The following GMIP variants were observed in gnomAD, a reference collection of about 807,000 sequenced individuals.
GMIP encodes the protein GEM interacting protein.
GMIP carries 54 observed loss-of-function variants against 105.3 expected under a neutral mutation model. The ratio of observed to expected loss-of-function variants is 0.51; its 90% CI spans 0.41 to 0.64. The LOEUF is 0.64. Ranked by LOEUF, GMIP falls within the 30% of genes least tolerant of loss-of-function variation. The probability of loss-of-function intolerance (pLI) is 0.00; values close to 1 mark genes in which losing one functional copy is unlikely to be tolerated. For synonymous variants in GMIP, 541 were observed against 560.8 expected (o/e 0.96, Z 0.50); for missense variants, 1,110 against 1,319.4 (o/e 0.84, Z 2.46).
rs547366157 is a variant in GMIP at position 19,642,018 on chromosome 19, G to A, written c.138C>T (p.Leu46=). 11 of 1,613,764 alleles carry A rather than the reference G, an allele frequency of 6.8e-6. 1 individual carries two copies. In the South Asian group the frequency reaches 1.2e-4, roughly 18 times the overall value. Residue 46 remains leucine, a synonymous_variant, in exon 3 of 21, where the codon CTC becomes CTT. Transcript: ENST00000203556. ...TCTTGTCAGGTTCTGGGTCTTCTGA[G>A]AGTAGAGGGTCTCCAGCCAGCATCT... is the stretch of plus-strand genomic sequence containing the variant. ...TLEMLAGDPL[L]SEDPEPDKTP...
Position 19,637,698 on chromosome 19 carries a change from A to G in GMIP, c.928-137T>C. On this transcript the variant is annotated intron_variant, in intron 10 of 20. Transcript: ENST00000203556. This position sits in a 1 kb window ranked among gnomAD's most constrained non-coding sequence, Gnocchi z 6.7. ...ACCTGGGCGGCTTAGGAACTAGGGC[A>G]GTCGGCCAGGGGACCCAGGCATGGT... 2 of 847,640 alleles carry G rather than the reference A, an allele frequency of 2.4e-6. No homozygotes were observed. The highest frequency in any genetic ancestry group is 3.5e-6 in the Non-Finnish European group (2 of 569,710). The allele number at this position is 847,640 out of a possible 1,614,324, so 52.5% of individuals were successfully genotyped here. A position where few individuals can be genotyped will look rare whatever the true frequency, so the allele number is the denominator to read the frequency against.
intron 1 of GMIP, 25 bp downstream of exon 1, chr19:19,643,486 C>T (rs951400557): frequency 2.6e-6 from 4 of 1,540,772 alleles, no homozygotes; most frequent in Non-Finnish European, 3.5e-6. Flanking sequence ...CGGGGGAGGC[C>T]CCTCCCGGAT....
At position 19,637,340 on chromosome 19, in the gene GMIP, C is replaced by A. The variant is rs2061865473; in HGVS notation, c.1124+25G>T. 2 of 1,449,182 alleles carry A rather than the reference C, an allele frequency of 1.4e-6. No homozygotes were observed. Among genetic ancestry groups the A allele is most frequent in the East Asian group, 2.5e-5 (1 of 40,356 alleles). The allele number at this position is 1,449,182 out of a possible 1,614,324, so 89.8% of individuals were successfully genotyped here. On this transcript the variant is annotated intron_variant, in intron 11 of 20. Coordinates refer to ENST00000203556, the MANE Select transcript of GMIP (RefSeq NM_016573.4). The surrounding 1 kb of genome is among the most constrained non-coding windows in gnomAD (Gnocchi z 6.7). Reference sequence around the variant, plus strand: ...GGCATCGCGATTCCGGGGCTCGTTCCCGACTCCCTGCTCCAGTGACCCACC... The same window carrying A: ...GGCATCGCGATTCCGGGGCTCGTTCACGACTCCCTGCTCCAGTGACCCACC...
In GMIP at chr19:19,634,497, C is replaced by T. The variant is rs751732118; in HGVS notation, c.2084+10G>A. 1 of 1,594,018 alleles carries T rather than the reference C, an allele frequency of 6.3e-7. No homozygotes were observed. Among genetic ancestry groups the T allele is most frequent in the Non-Finnish European group, 8.5e-7 (1 of 1,173,618 alleles). ...GGGTCGCGTTTCAAGGCTCAGGGACCCATGCACACCTGAACAGATGGGCCA... is the reference window on the plus strand; with the variant it reads ...GGGTCGCGTTTCAAGGCTCAGGGACTCATGCACACCTGAACAGATGGGCCA... On this transcript the variant is annotated intron_variant, in intron 18 of 20. Transcript: ENST00000203556. This position sits in a 1 kb window ranked among gnomAD's most constrained non-coding sequence, Gnocchi z 6.1.
rs1251005850 is a variant in GMIP, at chr19:19,637,914, C to G, written c.927+6G>C. 6.3e-7 allele frequency: 1 copy of G among 1,592,740 alleles called. No individual in the cohort carries two copies. The highest frequency in any genetic ancestry group is 2.2e-5 in the East Asian group (1 of 44,554). On this transcript the variant is annotated splice_donor_region_variant and intron_variant, in intron 10 of 20. Transcript: ENST00000203556. This position sits in a 1 kb window ranked among gnomAD's most constrained non-coding sequence, Gnocchi z 6.7. ...AGGGGAGGATGGCCTTGGGGATGGG[C>G]CTCACCCGCCTCAGCACTTCATCCC...
rs1448119771 is a variant in GMIP at position 19,637,197 on chromosome 19, C to G, written c.1124+168G>C. On this transcript the variant is annotated intron_variant, in intron 11 of 20. Transcript: ENST00000203556. This position sits in a 1 kb window ranked among gnomAD's most constrained non-coding sequence, Gnocchi z 6.7. ...GTAGCCCCACATTCCTGCCCCTGCC[C>G]CTAGGACTGGGACAACCCATTCACC... 6.6e-6 allele frequency among the ~76,000 whole-genome samples: 1 copy of G among 152,164 alleles called. No homozygotes were observed.
intron 7 of GMIP, among the ~76,000 whole-genome samples, chr19:19,639,643 G>A (rs1171162572): frequency 5.3e-5 from 8 of 151,896 alleles, no homozygotes. Context: ...GAGGTCAGGA[G>A]TTGGAGACCA....
Position 19,634,977 on chromosome 19 carries a change from C to T in GMIP, c.1749+48G>A, listed in dbSNP as rs377203717. The T allele has an allele frequency of 2.1e-4, 336 of 1,613,096 alleles. 1 individual carries two copies. Among genetic ancestry groups the T allele is most frequent in the Admixed American group, 1.4e-3 (82 of 59,992 alleles). On this transcript the variant is annotated intron_variant, in intron 16 of 20. Transcript: ENST00000203556. The surrounding 1 kb of genome is among the most constrained non-coding windows in gnomAD (Gnocchi z 6.1). ...AGACACCTGGTTCGTGATAGGCCATCGATTCGGTCAGGTCACTTCTGGGGA... is the reference window on the plus strand; with the variant it reads ...AGACACCTGGTTCGTGATAGGCCATTGATTCGGTCAGGTCACTTCTGGGGA...
At position 19,640,543 on chromosome 19, in the gene GMIP, C is replaced by G. The variant is rs748627314; in HGVS notation, c.267G>C (p.Arg89=). Residue 89 remains arginine, a synonymous_variant, in exon 5 of 21, where the codon CGG becomes CGC. Transcript: ENST00000203556. ...TGEELDLRLI[R]TKGGVDAALE... ...GGGCTGCGTCCACACCCCCCTTTGT[C>G]CGAATGAGCCGCAAGTCCAGTTCCT... is the stretch of plus-strand genomic sequence containing the variant. 7 of 1,613,900 alleles carry G rather than the reference C, an allele frequency of 4.3e-6. No homozygotes were observed. Among genetic ancestry groups the G allele is most frequent in the Non-Finnish European group, 4.2e-6 (5 of 1,180,006 alleles).
At chr19:19,636,383 C>T (rs1326006957) in intron 13 of GMIP, among the ~76,000 whole-genome samples, 2 of 151,422 alleles carry the variant, frequency 1.3e-5, no homozygotes, top group Non-Finnish European at 2.9e-5. Flanking sequence ...AATCAGCCGG[C>T]GTGGTAGTGC....
intron 19 of GMIP, among the ~76,000 whole-genome samples, chr19:19,633,079 A>G (rs914106636): frequency 4.7e-5 from 7 of 148,742 alleles, no homozygotes; most frequent in African/African-American, 1.5e-4. Context: ...TTTTTTTTGA[A>G]ACAAAGTCTT....
In GMIP at chr19:19,634,911, C is replaced by T. The variant is rs772118969; in HGVS notation, c.1768G>A (p.Gly590Arg). 3.7e-6 allele frequency: 6 copies of T among 1,614,074 alleles called. No homozygotes were observed. The highest frequency in any genetic ancestry group is 1.7e-5 in the Admixed American group (1 of 60,022). Reference sequence around the variant, plus strand: ...AGCCGCTCCACACGGACCCGGGACCCGCTGACCCGGTAAATGCCCTGCAGG... The same window carrying T: ...AGCCGCTCCACACGGACCCGGGACCTGCTGACCCGGTAAATGCCCTGCAGG... ...LDVQGIYRVS[G>R]SRVRVERLCQ... Residue 590 changes from glycine (G) to arginine (R), a missense_variant, in exon 17 of 21, where the codon GGG becomes AGG. By Grantham distance (125) the Gly-to-Arg change is moderately radical. Around this residue, in one of 3 missense-constraint regions of GMIP, gnomAD observed 49 missense variants for 95.6 expected, o/e 0.51. Transcript: ENST00000203556. The surrounding 1 kb of genome is among the most constrained non-coding windows in gnomAD (Gnocchi z 6.1).
Position 19,630,415 on chromosome 19 carries a change from C to A in GMIP, c.2539+56G>T. Reference sequence around the variant, plus strand: ...CCCCCAGGAGTCATCTTTTAGCAAGCCACCCTGGGGCCAGGGCACCCCCAG... The same window carrying A: ...CCCCCAGGAGTCATCTTTTAGCAAGACACCCTGGGGCCAGGGCACCCCCAG... On this transcript the variant is annotated intron_variant, in intron 20 of 20. Transcript: ENST00000203556. The surrounding 1 kb of genome is among the most constrained non-coding windows in gnomAD (Gnocchi z 4.8). 6.3e-7 allele frequency: 1 copy of A among 1,597,966 alleles called. No homozygotes were observed. Among genetic ancestry groups the A allele is most frequent in the South Asian group, 1.1e-5 (1 of 88,950 alleles).
chr19:19,633,745 A>C, intron 19 of GMIP, 58 bp downstream of exon 19: 1 of 1,202,548 alleles, frequency 8.3e-7, no homozygotes, highest in Non-Finnish European at 1.1e-6. Flanking sequence ...AAGAGAAGGT[A>C]AGAGAATTGA....
Position 19,630,191 on chromosome 19 carries a change from G to T in GMIP, c.2685C>A (p.Cys895Ter). Residue 895 changes from cysteine (C) to a stop codon, truncating the protein, a stop_gained, in exon 21 of 21, where the codon TGC (cysteine) becomes TGA (stop). Transcript: ENST00000203556. LOFTEE classifies it low-confidence loss of function (END_TRUNC). The surrounding 1 kb of genome is among the most constrained non-coding windows in gnomAD (Gnocchi z 4.8). ...GCACTGATGTGATGGGGGTCTCCTC[G>T]CACAGCTTGGAAGCCACCAGGGCCA... ...SSLALVASKL[C>*]EETPITSVPR... 3 of 1,601,568 alleles carry T rather than the reference G, an allele frequency of 1.9e-6. No homozygotes were observed. Among genetic ancestry groups the T allele is most frequent in the Non-Finnish European group, 1.7e-6 (2 of 1,171,164 alleles).
chr19:19,641,767 A>G (rs748678477), intron 4 of GMIP, 43 bp downstream of exon 4: 7 of 1,394,690 alleles, frequency 5.0e-6, no homozygotes, highest in Non-Finnish European at 7.1e-6. Context: ...TGAAGGAAAG[A>G]CTCCTGTCTG....
chr19:19,630,854 G>A lies in GMIP; in HGVS notation c.2473-317C>T, dbSNP rs2061788069. Reference sequence around the variant, plus strand: ...CAGGGCATGGACCACCACTGACTGTGCACCTGTCATCCTTTGCAGTTTTGG... The same window carrying A: ...CAGGGCATGGACCACCACTGACTGTACACCTGTCATCCTTTGCAGTTTTGG... On this transcript the variant is annotated intron_variant, in intron 19 of 20. Coordinates refer to ENST00000203556, the MANE Select transcript of GMIP (RefSeq NM_016573.4). This position sits in a 1 kb window ranked among gnomAD's most constrained non-coding sequence, Gnocchi z 4.8. Among the ~76,000 whole-genome samples, 1 of 152,186 alleles carries A rather than the reference G, an allele frequency of 6.6e-6. No homozygotes were observed. Among genetic ancestry groups the A allele is most frequent in the Admixed American group, 6.5e-5 (1 of 15,286 alleles).
At position 19,634,170 on chromosome 19, in the gene GMIP, T is replaced by G; in HGVS notation, c.2105A>C (p.Glu702Ala). Residue 702 changes from glutamate to alanine, a missense_variant, in exon 19 of 21, where the codon GAA becomes GCA. Physicochemically the swap from Glu to Ala is moderately radical, Grantham distance 107. Coordinates refer to ENST00000203556, the MANE Select transcript of GMIP (RefSeq NM_016573.4). This position sits in a 1 kb window ranked among gnomAD's most constrained non-coding sequence, Gnocchi z 6.1. ...HLFRVAARFM[E>A]NKMSANNLGI... ...CAGGTTGTTGGCAGACATCTTGTTTTCCATAAATCGTGCAGCCACCCTGGG... is the reference window on the plus strand; with the variant it reads ...CAGGTTGTTGGCAGACATCTTGTTTGCCATAAATCGTGCAGCCACCCTGGG... 1 of 1,602,272 alleles carries G rather than the reference T, an allele frequency of 6.2e-7. No individual in the cohort carries two copies. Among genetic ancestry groups the G allele is most frequent in the Non-Finnish European group, 8.5e-7 (1 of 1,172,204 alleles).
rs1401868703 is a variant in GMIP, at chr19:19,638,134, C to A, written c.789+25G>T. On this transcript the variant is annotated intron_variant, in intron 9 of 20. Coordinates refer to ENST00000203556, the MANE Select transcript of GMIP (RefSeq NM_016573.4). ...GAGGGCAGGGGGCGCCACAGCGCTA[C>A]AGGGGCTCGGGGCCGGGTGCCCACC... is the stretch of plus-strand genomic sequence containing the variant. 2.5e-6 allele frequency: 4 copies of A among 1,572,524 alleles called. No individual in the cohort carries two copies. In the Admixed American group the frequency reaches 7.1e-5, roughly 28 times the overall value.
Sources: allele counts gnomAD v4.1 joint callset (sites outside exome capture counted in the v4.1 genomes callset), GRCh38; gene constraint gnomAD v4.1.1; regional missense constraint gnomAD v4.1.1; non-coding constraint Gnocchi (gnomAD v3.1); transcripts MANE v1.5; gene names NCBI Gene and HGNC (gene_info 2026-07-23, HGNC 2026-07-21).